Variants in TENM1 observed in about 807,000 individuals in gnomAD.
The protein encoded by TENM1 is teneurin-1.
A neutral mutation model predicts 174.8 loss-of-function variants in TENM1; 35 were observed. The ratio of observed to expected loss-of-function variants is 0.20; its 90% CI spans 0.15 to 0.27. The LOEUF (loss-of-function observed/expected upper bound fraction) is 0.27, where lower values mean the gene tolerates loss of function less well. Among genes scored for constraint, TENM1 ranks in the 10% least tolerant of loss-of-function variants. The pLI, the probability that TENM1 is intolerant of heterozygous loss-of-function variation, is 1.00. For synonymous variants in TENM1, 781 were observed against 798.7 expected, an observed-to-expected ratio of 0.98 and a Z score of 0.37; for missense variants, 1,633 against 2,130.1, an observed-to-expected ratio of 0.77 and a Z score of 4.59.
chrX:124,909,406 C>T (rs1286490639), intron 1 of TENM1, among the ~76,000 whole-genome samples: 1 of 112,087 alleles, frequency 8.9e-6, no homozygotes, highest in African/African-American at 3.2e-5. Flanking sequence ...CAGTTCACTG[C>T]TGTCTCCATC....
intron 4 of TENM1, among the ~76,000 whole-genome samples, chrX:124,706,198 G>A (rs1250073500): frequency 8.9e-6 from 1 of 112,237 alleles, no homozygotes; most frequent in Non-Finnish European, 1.9e-5. Flanking sequence ...CGCTGTGCCC[G>A]GCCAGTTTTT....
chrX:125,111,494 T>G, the TENM1 span, among the ~76,000 whole-genome samples: 1 of 112,141 alleles, frequency 8.9e-6, no homozygotes, highest in Non-Finnish European at 1.9e-5. Flanking sequence ...ATTTAAGTGA[T>G]GCCATAACAA....
At chrX:124,686,802 A>G (rs771071600) in intron 5 of TENM1, among the ~76,000 whole-genome samples, 6 of 112,026 alleles carry the variant, frequency 5.4e-5, no homozygotes, top group Admixed American at 9.5e-5. Flanking sequence ...TGACAAATCC[A>G]CAGCCAATAA....
the TENM1 span, among the ~76,000 whole-genome samples, chrX:125,082,904 C>T: frequency 9.0e-6 from 1 of 111,177 alleles, no homozygotes; most frequent in Non-Finnish European, 1.9e-5. Flanking sequence ...TGTCCATTAC[C>T]TCAAACATCT....
At chrX:124,745,444 C>T (rs1034298822) in intron 3 of TENM1, among the ~76,000 whole-genome samples, 92 of 111,439 alleles carry the variant, frequency 8.3e-4, no homozygotes, top group African/African-American at 2.7e-3. Context: ...TCAAAACATG[C>T]CAATGTTTTG....
intron 5 of TENM1, among the ~76,000 whole-genome samples, chrX:124,688,235 C>CTTCCCTTCCT (rs767979901): frequency 5.7e-5 from 6 of 105,368 alleles, no homozygotes; most frequent in Admixed American, 1.0e-4. Context: ...TCTTTTCTCC[C>CTTCCCTTCCT]TTCCCTTCCT....
At chrX:124,957,026 T>C (rs1372674007) in intron 1 of TENM1, among the ~76,000 whole-genome samples, 1 of 112,437 alleles carries the variant, frequency 8.9e-6, no homozygotes, top group Admixed American at 9.5e-5. Flanking sequence ...CATTTTTCCC[T>C]GTGGGATGAA....
At chrX:124,471,424 T>TAATAC (rs2061324418) in intron 22 of TENM1, among the ~76,000 whole-genome samples, 1 of 46,109 alleles carries the variant, frequency 2.2e-5, no homozygotes, top group Non-Finnish European at 3.7e-5. Flanking sequence ...TAGTAATATA[T>TAATAC]TATATATTAT....
At chrX:125,048,872 T>G in the TENM1 span, among the ~76,000 whole-genome samples, 1 of 111,431 alleles carries the variant, frequency 9.0e-6, no homozygotes, top group African/African-American at 3.3e-5. Flanking sequence ...CTTGGAGTTT[T>G]ACCCTCTGGA....
intron 3 of TENM1, among the ~76,000 whole-genome samples, chrX:124,808,964 G>T (rs1213656084): frequency 9.0e-6 from 1 of 111,118 alleles, no homozygotes; most frequent in East Asian, 2.8e-4. Context: ...ATTGGCAGAA[G>T]GAAGGGAATA....
At chrX:125,037,633 G>A in the TENM1 span, among the ~76,000 whole-genome samples, 1 of 111,050 alleles carries the variant, frequency 9.0e-6, no homozygotes, top group Non-Finnish European at 1.9e-5. Context: ...GATCCTGTCC[G>A]AAATTACAAC....
At chrX:124,452,785 A>G (rs2061054909) in intron 23 of TENM1, among the ~76,000 whole-genome samples, 1 of 101,072 alleles carries the variant, frequency 9.9e-6, no homozygotes, top group Admixed American at 1.1e-4. Context: ...CAAACATCGC[A>G]TGTTCTCACT....
At chrX:124,513,406 C>A (rs2148022395) in intron 18 of TENM1, among the ~76,000 whole-genome samples, 1 of 111,931 alleles carries the variant, frequency 8.9e-6, no homozygotes, top group Non-Finnish European at 1.9e-5. Context: ...CCAGATAGAC[C>A]AGGATAATCT....
At chrX:124,484,739 G>T (rs1270024677) in intron 21 of TENM1, among the ~76,000 whole-genome samples, 1 of 110,046 alleles carries the variant, frequency 9.1e-6, no homozygotes. Flanking sequence ...TATACCCCCT[G>T]CCCCAATCCT....
the TENM1 span, among the ~76,000 whole-genome samples, chrX:125,127,678 C>G: frequency 0.043 from 4,799 of 110,420 alleles, 239 homozygotes; most frequent in African/African-American, 0.15. Context: ...CAAGTGGCAA[C>G]CTACTGTAAT....
chrX:125,101,321 T>A, the TENM1 span, among the ~76,000 whole-genome samples: 1 of 111,550 alleles, frequency 9.0e-6, no homozygotes, highest in South Asian at 3.7e-4. Flanking sequence ...TCTATTCATA[T>A]CTCATGGAAT....
At chrX:124,927,182 C>A (rs556363892) in intron 1 of TENM1, among the ~76,000 whole-genome samples, 22 of 111,644 alleles carry the variant, frequency 2.0e-4, no homozygotes, top group African/African-American at 6.5e-4. Flanking sequence ...ATCAGAGACA[C>A]CCAGTGATAA....
At chrX:125,186,601 A>ACT in the TENM1 span, among the ~76,000 whole-genome samples, 211 of 100,068 alleles carry the variant, frequency 2.1e-3, 2 homozygotes, top group African/African-American at 6.9e-3. Flanking sequence ...CCTGGCACAC[A>ACT]CTCTCTCTCT....
intron 23 of TENM1, 49 bp downstream of exon 26, chrX:124,453,288 T>C (rs1289914476): frequency 8.8e-7 from 1 of 1,137,920 alleles, no homozygotes; most frequent in Non-Finnish European, 1.2e-6. Flanking sequence ...TTGTTATCCA[T>C]TTCCATGATG....
Sources: allele counts gnomAD v4.1 joint callset (sites outside exome capture counted in the v4.1 genomes callset), GRCh38; gene constraint gnomAD v4.1.1; transcripts MANE v1.5; gene names NCBI Gene and HGNC (gene_info 2026-07-23, HGNC 2026-07-21).